Variants in RASA1 observed in about 807,000 individuals in gnomAD.
The protein encoded by RASA1 is ras GTPase-activating protein 1.
Under a neutral mutation model 132.2 loss-of-function variants are expected in RASA1, and 25 were observed. The ratio of observed to expected loss-of-function variants is 0.19; its 90% CI spans 0.14 to 0.26. The LOEUF (loss-of-function observed/expected upper bound fraction) is 0.26, where lower values mean the gene tolerates loss of function less well. Ranked by LOEUF, RASA1 falls within the 10% of genes least tolerant of loss-of-function variation. RASA1 has a pLI of 1.00. For missense variants in RASA1, 964 were observed against 1,299.2 expected, an observed-to-expected ratio of 0.74 and a Z score of 3.97; for synonymous variants, 477 against 449.9, an observed-to-expected ratio of 1.06 and a Z score of -0.76.
chr5:87,359,381 C>T (rs950813448), intron 9 of RASA1, among the ~76,000 whole-genome samples: 3 of 152,184 alleles, frequency 2.0e-5, no homozygotes, highest in Non-Finnish European at 4.4e-5. Context: ...AGAAGCCTTT[C>T]TCCTCTCATT....
intron 1 of RASA1, among the ~76,000 whole-genome samples, chr5:87,317,010 G>A (rs896913595): frequency 1.3e-5 from 2 of 152,062 alleles, no homozygotes; most frequent in African/African-American, 4.8e-5. Context: ...AGACTCCCGA[G>A]TAGCTGGGAT....
rs1189629577 is a variant in RASA1 at position 87,376,405 on chromosome 5, G to A, written c.2024G>A (p.Cys675Tyr). The change falls in exon 16 of 25, where the codon TGC (cysteine) becomes TAC (tyrosine). Residue 675 changes from cysteine to tyrosine, a missense_variant. Transcript: ENST00000274376. ...SKDPDILFMR[C>Y]QLSRLQKGHA... is the part of the protein sequence containing the mutation. ...TTTTCTTCCCAAGTATTTATGCGCT[G>A]CCAGTTGAGCCGATTACAGAAAGGG... The A allele has an allele frequency of 6.2e-7, 1 of 1,613,754 alleles. No individual in the cohort carries two copies. Among genetic ancestry groups the A allele is most frequent in the African/African-American group, 1.3e-5 (1 of 74,896 alleles).
At chr5:87,363,247 TAAAA>T in intron 10 of RASA1, 97 bp from the exon 11 acceptor site, 1 of 1,118,904 alleles carries the variant, frequency 8.9e-7, no homozygotes, top group Middle Eastern at 3.0e-4. Flanking sequence ...AGCTTTGGAA[TAAAA>T]ATTGATTGAT....
rs1351261313 is a variant in RASA1, at chr5:87,284,042, CTTTT to C, written c.539+15054_539+15057del. On this transcript the variant is annotated intron_variant, in intron 1 of 24. Transcript: ENST00000274376. ...ACCTCCTTAAGGTTGAAGGCCTTTTCTTTTTGACAGATTTTTAAATCTTCTTTCA... is the reference window on the plus strand; with the variant it reads ...ACCTCCTTAAGGTTGAAGGCCTTTTCTGACAGATTTTTAAATCTTCTTTCA... Among the ~76,000 whole-genome samples, 7 of 152,196 alleles carry C rather than the reference CTTTT, an allele frequency of 4.6e-5. No individual in the cohort carries two copies. The East Asian group carries it at 1.4e-3, about 29-fold the overall frequency.
chr5:87,350,340 A>T (rs1759170624), intron 8 of RASA1, among the ~76,000 whole-genome samples: 1 of 151,804 alleles, frequency 6.6e-6, no homozygotes, highest in Admixed American at 6.6e-5. Context: ...CACTGAAAAT[A>T]CAGCTAGCTG....
chr5:87,290,584 A>G (rs553166897), intron 1 of RASA1, among the ~76,000 whole-genome samples: 3 of 152,318 alleles, frequency 2.0e-5, no homozygotes, highest in Non-Finnish European at 4.4e-5. Flanking sequence ...CATGTATCCC[A>G]CATTGTGGTG....
At chr5:87,368,768 GA>G (rs1760716437) in intron 11 of RASA1, among the ~76,000 whole-genome samples, 1 of 152,166 alleles carries the variant, frequency 6.6e-6, no homozygotes, top group African/African-American at 2.4e-5. Flanking sequence ...GCCAGCTTAG[GA>G]ACTGGCAACT....
intron 15 of RASA1, 126 bp downstream of exon 15, chr5:87,375,042 T>A: frequency 7.9e-7 from 1 of 1,262,794 alleles, no homozygotes; most frequent in Non-Finnish European, 1.1e-6. Flanking sequence ...TTGAGATAGT[T>A]TCTTTCTGTA....
chr5:87,390,803 G>A lies in RASA1; in HGVS notation c.3064G>A (p.Val1022Ile), dbSNP rs373643445. The A allele has an allele frequency of 3.1e-6, 5 of 1,610,342 alleles. No homozygotes were observed. The highest frequency in any genetic ancestry group is 3.4e-6 in the Non-Finnish European group (4 of 1,176,868). ...LSNERGAQQH[V>I]LKKLLAITEL... is the part of the protein sequence containing the mutation. ...ATACCATTTTTCCTCTGTCTAGCAC[G>A]TATTGAAAAAGCTTCTGGCTATAAC... Residue 1022 changes from valine (V) to isoleucine (I), a missense_variant, in exon 25 of 25, where the codon GTA (valine) becomes ATA (isoleucine). Coordinates refer to ENST00000274376, the MANE Select transcript of RASA1 (RefSeq NM_002890.3).
chr5:87,301,090 G>C (rs1183761634), intron 1 of RASA1, among the ~76,000 whole-genome samples: 2 of 152,198 alleles, frequency 1.3e-5, no homozygotes, highest in Non-Finnish European at 2.9e-5. Flanking sequence ...GCAGTATTGG[G>C]GGGTTAAGGG....
At chr5:87,316,951 C>T (rs966672615) in intron 1 of RASA1, among the ~76,000 whole-genome samples, 11 of 151,638 alleles carry the variant, frequency 7.3e-5, no homozygotes, top group African/African-American at 1.7e-4. Flanking sequence ...GGCGAAATCT[C>T]GGCTTACTGC....
chr5:87,365,835 G>A (rs1174265279), intron 11 of RASA1, among the ~76,000 whole-genome samples: 2 of 151,898 alleles, frequency 1.3e-5, no homozygotes, highest in Admixed American at 1.3e-4. Flanking sequence ...CTGATGATGA[G>A]GCTTCACGAT....
chr5:87,297,214 T>C (rs1167323428), intron 1 of RASA1, among the ~76,000 whole-genome samples: 3 of 152,226 alleles, frequency 2.0e-5, no homozygotes, highest in Non-Finnish European at 4.4e-5. Flanking sequence ...TTAATCATAG[T>C]TTTAAAAAAT....
intron 1 of RASA1, among the ~76,000 whole-genome samples, chr5:87,321,281 T>C (rs535732076): frequency 6.6e-5 from 10 of 152,332 alleles, no homozygotes; most frequent in South Asian, 6.2e-4. Flanking sequence ...CACAGAGGAC[T>C]TCTGTGTCCA....
chr5:87,293,466 A>G (rs1201668608), intron 1 of RASA1, among the ~76,000 whole-genome samples: 4 of 152,230 alleles, frequency 2.6e-5, no homozygotes, highest in South Asian at 4.1e-4. Context: ...ATGTAAGTAC[A>G]TTGTTGGATT....
rs899734380 is a variant in RASA1, at chr5:87,268,385, G to T, written c.-67G>T. 1.1e-5 allele frequency: 16 copies of T among 1,461,492 alleles called. No individual in the cohort carries two copies. Among genetic ancestry groups the T allele is most frequent in the South Asian group, 1.4e-5 (1 of 69,804 alleles). 90.5% of individuals were successfully genotyped at this position (1,461,492 alleles called of 1,614,324 possible). A position where few individuals can be genotyped will look rare whatever the true frequency, so the allele number is the denominator to read the frequency against. Reference sequence around the variant, plus strand: ...ACGCGTCTGGGTGGGGCTGCTCGGAGCCCGGGCCTGGTGGCCCCTGGGGCT... The same window carrying T: ...ACGCGTCTGGGTGGGGCTGCTCGGATCCCGGGCCTGGTGGCCCCTGGGGCT... On this transcript the variant is annotated 5_prime_UTR_variant, in exon 1 of 25. Coordinates refer to ENST00000274376, the MANE Select transcript of RASA1 (RefSeq NM_002890.3).
intron 1 of RASA1, among the ~76,000 whole-genome samples, chr5:87,279,178 G>A (rs1230922910): frequency 6.6e-6 from 1 of 152,160 alleles, no homozygotes; most frequent in Non-Finnish European, 1.5e-5. Flanking sequence ...ATGAGGTTGA[G>A]GCTGCAGTGA....
Position 87,376,912 on chromosome 5 carries a change from A to C in RASA1, c.2216A>C (p.Tyr739Ser). Reference protein sequence around the residue: ...LILQKELHVVYALSHVCGQDR... With the variant: ...LILQKELHVVSALSHVCGQDR... Reference sequence around the variant, plus strand: ...CTGCAAAAGGAACTTCATGTAGTCTATGCTTTATCACATGTATGTGGACAA... The same window carrying C: ...CTGCAAAAGGAACTTCATGTAGTCTCTGCTTTATCACATGTATGTGGACAA... Residue 739 changes from tyrosine to serine, a missense_variant, in exon 17 of 25, where the codon TAT (tyrosine) becomes TCT (serine). Transcript: ENST00000274376. 6.2e-7 allele frequency: 1 copy of C among 1,610,042 alleles called. No homozygotes were observed. The highest frequency in any genetic ancestry group is 1.1e-5 in the South Asian group (1 of 91,000).
At chr5:87,363,771 T>G (rs187176317) in intron 11 of RASA1, among the ~76,000 whole-genome samples, 23 of 152,248 alleles carry the variant, frequency 1.5e-4, no homozygotes, top group Admixed American at 5.9e-4. Flanking sequence ...TTGAGTGACT[T>G]ACTTTGAGTC....
Sources: gnomAD v4.1 joint callset for allele counts (sites outside exome capture counted in the v4.1 genomes callset) on GRCh38, gnomAD v4.1.1 for gene constraint, MANE v1.5 for transcripts, NCBI Gene and HGNC (gene_info 2026-07-23, HGNC 2026-07-21) for gene names.